AGO3: variants seen among roughly 807,000 people sequenced by gnomAD.
AGO3 encodes the protein protein argonaute-3.
In AGO3, 16 loss-of-function variants were observed where a neutral mutation model predicts 105.5. The observed-to-expected ratio is 0.15, with a 90% CI of 0.10 to 0.23. The LOEUF is 0.23. AGO3 is among the 10% of genes least tolerant of loss of function. The probability of loss-of-function intolerance (pLI) is 1.00; values close to 1 mark genes in which losing one functional copy is unlikely to be tolerated. For missense variants in AGO3, 534 were observed against 1,088.0 expected (o/e 0.49, Z 7.16); for synonymous variants, 340 against 367.3 (o/e 0.93, Z 0.85).
chr1:35,946,286 C>A (rs1218777839), intron 2 of AGO3, among the ~76,000 whole-genome samples: 1 of 152,078 alleles, frequency 6.6e-6, no homozygotes, highest in Non-Finnish European at 1.5e-5. Context: ...TTCATGCTTT[C>A]TTTTCTCCTT....
intron 3 of AGO3, among the ~76,000 whole-genome samples, chr1:35,971,817 G>A (rs937300596): frequency 3.3e-5 from 5 of 151,876 alleles, no homozygotes; most frequent in African/African-American, 1.2e-4. Context: ...GAGCATTTAG[G>A]GTAGTTTCCA....
chr1:36,033,162 AT>A lies in AGO3; in HGVS notation c.1592-1011del, dbSNP rs537686124. The stretch of plus-strand genomic sequence containing the variant: ...AAAATAAAAAATAAAAACAAAAAAA[AT>A]AAAAAGTAAATAAAAATACAGAAAT... On this transcript the variant is annotated intron_variant, in intron 12 of 18. Transcript: ENST00000373191. Among the ~76,000 whole-genome samples the A allele has an allele frequency of 1.6e-3, 238 of 151,798 alleles. 3 individuals are homozygous for A. The highest frequency in any genetic ancestry group is 5.2e-3 in the African/African-American group (214 of 41,438).
chr1:35,954,173 A>G lies in AGO3; in HGVS notation c.191+8310A>G, dbSNP rs149548781. On this transcript the variant is annotated intron_variant, in intron 2 of 18. Transcript: ENST00000373191. ...TTATACAAAATATGTCAGCTAATAAATAAGTTTTATTTTCCTTTTAGTCAC... is the reference window on the plus strand; with the variant it reads ...TTATACAAAATATGTCAGCTAATAAGTAAGTTTTATTTTCCTTTTAGTCAC... Among the ~76,000 whole-genome samples the G allele has an allele frequency of 4.5e-3, 681 of 152,308 alleles. 9 individuals carry two copies. Among genetic ancestry groups the G allele is most frequent in the African/African-American group, 0.015 (640 of 41,568 alleles).
intron 5 of AGO3, among the ~76,000 whole-genome samples, chr1:35,995,320 C>T (rs961412015): frequency 6.7e-6 from 1 of 150,184 alleles, no homozygotes; most frequent in East Asian, 1.9e-4. Context: ...GCCAAAAAAT[C>T]TTTTAAAGAA....
chr1:36,038,574 C>T (rs1410365817), intron 14 of AGO3, among the ~76,000 whole-genome samples: 1 of 151,754 alleles, frequency 6.6e-6, no homozygotes, highest in African/African-American at 2.4e-5. Flanking sequence ...TCTTAAGTAG[C>T]GAGATACCTT....
At chr1:35,973,563 G>A (rs1646905091) in intron 5 of AGO3, 52 bp downstream of exon 5, 4 of 1,381,796 alleles carry the variant, frequency 2.9e-6, no homozygotes, top group Admixed American at 2.5e-5. Context: ...TCTGTATGAT[G>A]TGTGTACATA....
chr1:35,931,274 G>C lies in AGO3; in HGVS notation c.-153G>C, dbSNP rs892004625. 5 of 541,282 alleles carry C rather than the reference G, an allele frequency of 9.2e-6. No homozygotes were observed. Among genetic ancestry groups the C allele is most frequent in the Non-Finnish European group, 1.5e-5 (5 of 325,580 alleles). The allele number at this position is 541,282 out of a possible 1,614,324, so 33.5% of individuals were successfully genotyped here. On this transcript the variant is annotated 5_prime_UTR_variant, in exon 1 of 19. Transcript: ENST00000373191. The stretch of plus-strand genomic sequence containing the variant: ...GCGACTCTTCCGGCCCAGAGCTTTC[G>C]GAGTGCGGTTGCTCAGGGGAAGCCG...
intron 2 of AGO3, among the ~76,000 whole-genome samples, chr1:35,947,125 T>G (rs1422989395): frequency 1.3e-5 from 2 of 152,076 alleles, no homozygotes; most frequent in Non-Finnish European, 2.9e-5. Context: ...ATTTATTTAT[T>G]TTTGAAGGAA....
At chr1:35,987,866 G>A (rs1303093466) in intron 5 of AGO3, among the ~76,000 whole-genome samples, 2 of 151,654 alleles carry the variant, frequency 1.3e-5, no homozygotes, top group African/African-American at 4.8e-5. Context: ...TCAGGAGTTC[G>A]AGACCAGCCT....
In AGO3 at chr1:36,056,836, G is replaced by A. The variant is rs1481459839; in HGVS notation, c.*1091G>A. Reference sequence around the variant, plus strand: ...GGCTCACTGCAACTTCCGCCTCTCGGGTTCAAGCAATTCTCCTGCCTCAGC... The same window carrying A: ...GGCTCACTGCAACTTCCGCCTCTCGAGTTCAAGCAATTCTCCTGCCTCAGC... On this transcript the variant is annotated 3_prime_UTR_variant, in exon 19 of 19. Coordinates refer to ENST00000373191, the MANE Select transcript of AGO3 (RefSeq NM_024852.4). 1 of 151,840 alleles carries A rather than the reference G, an allele frequency of 6.6e-6. No individual in the cohort carries two copies. Among genetic ancestry groups the A allele is most frequent in the Non-Finnish European group, 1.5e-5 (1 of 68,056 alleles). 9.4% of individuals were successfully genotyped at this position (151,840 alleles called of 1,614,324 possible).
chr1:35,981,959 G>A (rs998017807), intron 5 of AGO3, among the ~76,000 whole-genome samples: 2 of 152,064 alleles, frequency 1.3e-5, no homozygotes, highest in African/African-American at 4.8e-5. Context: ...CTTAGAAGTT[G>A]GCATTTTTAG....
chr1:36,010,934 A>T (rs1569767332), intron 9 of AGO3, among the ~76,000 whole-genome samples: 3 of 137,510 alleles, frequency 2.2e-5, no homozygotes, highest in South Asian at 2.7e-4. Flanking sequence ...AGAGAGAGGG[A>T]GGGAGGGAGG....
At chr1:36,036,032 CAAAAAAA>C in intron 13 of AGO3, 138 bp from the exon 14 acceptor site, 17 of 351,386 alleles carry the variant, frequency 4.8e-5, no homozygotes, top group East Asian at 1.1e-4. Context: ...GACTCCGTCT[CAAAAAAA>C]AAAAAAAAAA....
Position 35,943,163 on chromosome 1 carries a change from C to T in AGO3, c.20-2529C>T, listed in dbSNP as rs575812161. On this transcript the variant is annotated intron_variant, in intron 1 of 18. Transcript: ENST00000373191. ...TGGCTACAGGTGCACACAACCACAC[C>T]CAGGTAATTTTTTTGTATTTTTTTG... is the stretch of plus-strand genomic sequence containing the variant. Among the ~76,000 whole-genome samples, 8 of 151,924 alleles carry T rather than the reference C, an allele frequency of 5.3e-5. No homozygotes were observed. In the East Asian group the frequency reaches 1.6e-3, roughly 29 times the overall value.
chr1:36,004,948 T>C (rs1024185209), intron 6 of AGO3, among the ~76,000 whole-genome samples: 1 of 152,190 alleles, frequency 6.6e-6, no homozygotes, highest in Non-Finnish European at 1.5e-5. Flanking sequence ...TCTAGAATTA[T>C]AGTTATTTAA....
At chr1:36,024,842 T>TA (rs1440242252) in intron 11 of AGO3, among the ~76,000 whole-genome samples, 1 of 152,132 alleles carries the variant, frequency 6.6e-6, no homozygotes, top group Non-Finnish European at 1.5e-5. Flanking sequence ...CCTTTATCAT[T>TA]ACTCCATTTT....
intron 5 of AGO3, among the ~76,000 whole-genome samples, chr1:35,975,005 G>A (rs567848448): frequency 6.6e-6 from 1 of 151,862 alleles, no homozygotes; most frequent in Non-Finnish European, 1.5e-5. Flanking sequence ...ATTGAGGAGG[G>A]GATATATTTA....
intron 5 of AGO3, among the ~76,000 whole-genome samples, chr1:35,996,973 A>G (rs1037983341): frequency 1.3e-5 from 2 of 152,164 alleles, no homozygotes; most frequent in Admixed American, 6.5e-5. Flanking sequence ...AAATGGTACA[A>G]GTACTTTGAA....
intron 5 of AGO3, among the ~76,000 whole-genome samples, chr1:35,988,877 A>G (rs1647353003): frequency 6.6e-6 from 1 of 152,208 alleles, no homozygotes; most frequent in South Asian, 2.1e-4. Flanking sequence ...AAAGGCTGCA[A>G]CAAGGGTTTA....
Sources: gnomAD v4.1 joint callset for allele counts (sites outside exome capture counted in the v4.1 genomes callset) on GRCh38, gnomAD v4.1.1 for gene constraint, MANE v1.5 for transcripts, NCBI Gene and HGNC (gene_info 2026-07-23, HGNC 2026-07-21) for gene names.